Variants in AKR1C8 observed in about 807,000 individuals in gnomAD.
AKR1C8 encodes aldo-keto reductase family 1 member C8.
At chr10:5,160,855 C>A in the AKR1C8 span, 1 of 471,124 alleles carries the variant, frequency 2.1e-6, no homozygotes, top group Non-Finnish European at 4.4e-6. Context: ...AATAATCTCT[C>A]CACTGGCATC....
chr10:5,119,782 ATAAC>A, the AKR1C8 span, among the ~76,000 whole-genome samples: 3 of 152,212 alleles, frequency 2.0e-5, no homozygotes, highest in Non-Finnish European at 4.4e-5. Context: ...CAGATAATGG[ATAAC>A]AAGGGTGATT....
the AKR1C8 span, among the ~76,000 whole-genome samples, chr10:5,176,772 C>G: frequency 1.2e-3 from 178 of 152,170 alleles, 1 homozygote; most frequent in African/African-American, 4.2e-3. Context: ...TGATTTGGCT[C>G]TCTGTTTGTC....
chr10:5,158,133 A>G, the AKR1C8 span, among the ~76,000 whole-genome samples: 1 of 152,244 alleles, frequency 6.6e-6, no homozygotes, highest in Non-Finnish European at 1.5e-5. Flanking sequence ...ACTAATGCAC[A>G]TGATCTCTTT....
At chr10:5,179,079 G>T in the AKR1C8 span, among the ~76,000 whole-genome samples, 1 of 152,226 alleles carries the variant, frequency 6.6e-6, no homozygotes, top group Admixed American at 6.5e-5. Context: ...AGCCTCGATG[G>T]TCTTTACAAT....
chr10:5,160,119 A>G, the AKR1C8 span: 1 of 270,452 alleles, frequency 3.7e-6, no homozygotes, highest in Admixed American at 5.8e-5. Flanking sequence ...ATTAGACTGA[A>G]TTAAACAGTT....
At chr10:5,153,441 T>C in the AKR1C8 span, among the ~76,000 whole-genome samples, 1 of 152,182 alleles carries the variant, frequency 6.6e-6, no homozygotes, top group Admixed American at 6.5e-5. Context: ...TTATTTCAAG[T>C]TTATAAAAAC....
the AKR1C8 span, among the ~76,000 whole-genome samples, chr10:5,169,656 G>A: frequency 3.3e-5 from 5 of 151,614 alleles, no homozygotes; most frequent in African/African-American, 1.2e-4. Context: ...AAATCTTACA[G>A]TAACTGAGAT....
At chr10:5,129,849 G>T in the AKR1C8 span, among the ~76,000 whole-genome samples, 1 of 151,884 alleles carries the variant, frequency 6.6e-6, no homozygotes, top group Non-Finnish European at 1.5e-5. Context: ...TCAAAAAGAA[G>T]TTGGTACGAA....
the AKR1C8 span, among the ~76,000 whole-genome samples, chr10:5,127,017 T>C: frequency 6.6e-6 from 1 of 152,144 alleles, no homozygotes; most frequent in South Asian, 2.1e-4. Context: ...AAAGTAATTA[T>C]GGTAATATGA....
At chr10:5,159,073 AG>A in the AKR1C8 span, among the ~76,000 whole-genome samples, 1 of 152,324 alleles carries the variant, frequency 6.6e-6, no homozygotes, top group Admixed American at 6.5e-5. Context: ...CACTCTAGAA[AG>A]GAGAGAAGAT....
the AKR1C8 span, among the ~76,000 whole-genome samples, chr10:5,117,134 T>C: frequency 1.3e-5 from 2 of 150,924 alleles, no homozygotes; most frequent in African/African-American, 4.9e-5. Context: ...AGTGAGCTTT[T>C]TTTTTTTTTT....
the AKR1C8 span, among the ~76,000 whole-genome samples, chr10:5,117,807 C>G: frequency 6.6e-6 from 1 of 152,090 alleles, no homozygotes; most frequent in Admixed American, 6.5e-5. Flanking sequence ...TTTTAACAAG[C>G]AGCTATGAAA....
At chr10:5,132,012 T>C in the AKR1C8 span, among the ~76,000 whole-genome samples, 1 of 152,112 alleles carries the variant, frequency 6.6e-6, no homozygotes, top group African/African-American at 2.4e-5. Context: ...GTAAAAAGGA[T>C]TGAAATAATG....
the AKR1C8 span, among the ~76,000 whole-genome samples, chr10:5,161,118 A>G: frequency 0.24 from 35,819 of 152,014 alleles, 4,365 homozygotes; most frequent in African/African-American, 0.25. Context: ...ATGTGTACAT[A>G]TGTGTATGTG....
the AKR1C8 span, among the ~76,000 whole-genome samples, chr10:5,169,262 T>C: frequency 6.6e-6 from 1 of 152,192 alleles, no homozygotes; most frequent in South Asian, 2.1e-4. Context: ...GAGATGATGG[T>C]GCTCCTGTTC....
chr10:5,121,039 G>GT, the AKR1C8 span, among the ~76,000 whole-genome samples: 16 of 151,270 alleles, frequency 1.1e-4, no homozygotes, highest in East Asian at 3.9e-4. Context: ...AACAATCCAG[G>GT]TTTTTTTTTA....
At chr10:5,148,734 G>A in the AKR1C8 span, among the ~76,000 whole-genome samples, 9 of 152,130 alleles carry the variant, frequency 5.9e-5, no homozygotes, top group Admixed American at 4.6e-4. Flanking sequence ...ACAGATATCT[G>A]TTTGGAAATA....
the AKR1C8 span, among the ~76,000 whole-genome samples, chr10:5,131,231 A>C: frequency 6.6e-6 from 1 of 152,122 alleles, no homozygotes; most frequent in African/African-American, 2.4e-5. Flanking sequence ...AAATTCTAGA[A>C]GATAACATTG....
chr10:5,124,652 A>C, the AKR1C8 span, among the ~76,000 whole-genome samples: 1 of 152,272 alleles, frequency 6.6e-6, no homozygotes, highest in Middle Eastern at 3.4e-3. Context: ...ACAATACAAA[A>C]AATTAAAACA....
Sources: allele counts gnomAD v4.1 joint callset (sites outside exome capture counted in the v4.1 genomes callset), GRCh38; gene constraint gnomAD v4.1.1; transcripts MANE v1.5; gene names NCBI Gene and HGNC (gene_info 2026-07-23, HGNC 2026-07-21).